The following ACOXL variants were observed in gnomAD, a reference collection of about 807,000 sequenced individuals.
ACOXL encodes the protein acyl-coenzyme A oxidase-like protein.
Under a neutral mutation model 71.9 loss-of-function variants are expected in ACOXL, and 70 were observed. The observed-to-expected ratio is 0.97, with a 90% CI of 0.80 to 1.19. The LOEUF is 1.19. Among genes scored for constraint, ACOXL ranks in the 50% most tolerant of loss-of-function variants. ACOXL has a pLI of 0.00. For synonymous variants in ACOXL, 253 were observed against 281.6 expected (o/e 0.90, Z 1.02); for missense variants, 703 against 736.3 (o/e 0.95, Z 0.52).
chr2:110,769,517 A>G (rs1488151370), intron 2 of ACOXL, among the ~76,000 whole-genome samples: 1 of 151,824 alleles, frequency 6.6e-6, no homozygotes, highest in East Asian at 1.9e-4. Flanking sequence ...GGCCAGGCAC[A>G]GTGGCTCATG....
At chr2:110,903,042 G>T (rs921896872) in intron 10 of ACOXL, among the ~76,000 whole-genome samples, 11 of 152,224 alleles carry the variant, frequency 7.2e-5, no homozygotes, top group Admixed American at 2.0e-4. Context: ...TCTGGTTGCA[G>T]GGATACCTGC....
At chr2:110,987,254 T>C (rs1277482501) in intron 13 of ACOXL, 37 bp downstream of exon 13, 1 of 1,528,002 alleles carries the variant, frequency 6.5e-7, no homozygotes, top group Non-Finnish European at 8.9e-7. Context: ...CTGCCTTCAG[T>C]GGGTTATCAT....
At chr2:110,873,657 G>A (rs1695539740) in intron 10 of ACOXL, among the ~76,000 whole-genome samples, 2 of 152,166 alleles carry the variant, frequency 1.3e-5, no homozygotes, top group Admixed American at 6.5e-5. Flanking sequence ...AGGGGAGGCT[G>A]TGAGCCTCCC....
chr2:110,987,557 G>A (rs926835315), intron 13 of ACOXL, among the ~76,000 whole-genome samples: 2 of 152,260 alleles, frequency 1.3e-5, no homozygotes, highest in East Asian at 3.9e-4. Context: ...CTTGCTCAAG[G>A]TTACATGGCT....
intron 10 of ACOXL, among the ~76,000 whole-genome samples, chr2:110,899,819 C>T (rs1242629663): frequency 6.6e-5 from 10 of 152,110 alleles, no homozygotes; most frequent in Admixed American, 6.6e-4. Context: ...GGCTATCATT[C>T]TGAAAAGTAA....
At chr2:110,940,376 C>T (rs2060824263) in intron 12 of ACOXL, among the ~76,000 whole-genome samples, 1 of 152,196 alleles carries the variant, frequency 6.6e-6, no homozygotes, top group Non-Finnish European at 1.5e-5. Context: ...CTCAGCCCTG[C>T]TAGAAACCAA....
chr2:111,016,344 T>C (rs1407629425), intron 14 of ACOXL, among the ~76,000 whole-genome samples: 1 of 152,176 alleles, frequency 6.6e-6, no homozygotes, highest in African/African-American at 2.4e-5. Flanking sequence ...TATCTTGATC[T>C]GGGTGATTCC....
At chr2:110,901,528 T>A (rs911274844) in intron 10 of ACOXL, among the ~76,000 whole-genome samples, 5 of 152,070 alleles carry the variant, frequency 3.3e-5, no homozygotes, top group African/African-American at 1.2e-4. Flanking sequence ...GTGGAAAAGT[T>A]ATTTGTTGAG....
chr2:110,777,868 G>A (rs1329246915), intron 2 of ACOXL, among the ~76,000 whole-genome samples: 2 of 152,236 alleles, frequency 1.3e-5, no homozygotes, highest in African/African-American at 4.8e-5. Context: ...GTCGGGGCAG[G>A]TGTCCTATTT....
intron 12 of ACOXL, among the ~76,000 whole-genome samples, chr2:110,982,564 A>G (rs910082106): frequency 1.3e-5 from 2 of 152,170 alleles, no homozygotes; most frequent in African/African-American, 2.4e-5. Context: ...AAAATGCATG[A>G]TGGTGGAAAA....
At chr2:110,896,428 G>A (rs1359126476) in intron 10 of ACOXL, among the ~76,000 whole-genome samples, 1 of 152,040 alleles carries the variant, frequency 6.6e-6, no homozygotes, top group Admixed American at 6.6e-5. Context: ...TTAAAAAATA[G>A]AGCTTGACAA....
chr2:111,004,858 C>A (rs917424584), intron 14 of ACOXL, among the ~76,000 whole-genome samples: 9 of 152,116 alleles, frequency 5.9e-5, no homozygotes, highest in African/African-American at 1.7e-4. Context: ...ATAGCAGCCA[C>A]TCTGTGTTTG....
At chr2:110,887,971 T>A (rs987047150) in intron 10 of ACOXL, 6 of 152,212 alleles carry the variant, frequency 3.9e-5, no homozygotes, top group African/African-American at 1.4e-4. Flanking sequence ...AAAAAGACAA[T>A]TATTTGAGTA....
chr2:110,814,148 G>A (rs987792059), intron 9 of ACOXL, among the ~76,000 whole-genome samples: 8 of 152,196 alleles, frequency 5.3e-5, no homozygotes, highest in Non-Finnish European at 1.0e-4. Flanking sequence ...CGTTGAAAAT[G>A]TGGACATTTC....
At chr2:110,768,300 C>A (rs199930291) in intron 1 of ACOXL, 68 bp from the exon 2 acceptor site, 1 of 1,329,510 alleles carries the variant, frequency 7.5e-7, no homozygotes, top group South Asian at 1.2e-5. Context: ...AGCCCGGGGT[C>A]AAAGCATCCA....
intron 11 of ACOXL, among the ~76,000 whole-genome samples, chr2:110,932,923 C>T (rs1268017672): frequency 6.6e-6 from 1 of 152,206 alleles, no homozygotes; most frequent in Non-Finnish European, 1.5e-5. Context: ...TTGACAGACC[C>T]ATGAAGACTT....
intron 2 of ACOXL, among the ~76,000 whole-genome samples, chr2:110,779,027 T>G (rs537300809): frequency 6.6e-6 from 1 of 152,190 alleles, no homozygotes; most frequent in Non-Finnish European, 1.5e-5. Flanking sequence ...CTAGGAATTG[T>G]AGTAAGCATG....
chr2:110,970,884 A>G (rs971928500), intron 12 of ACOXL, among the ~76,000 whole-genome samples: 1 of 152,222 alleles, frequency 6.6e-6, no homozygotes, highest in Non-Finnish European at 1.5e-5. Context: ...AAGTTAGGAG[A>G]AAATCCTTGA....
chr2:110,809,990 A>C (rs1687115330), intron 9 of ACOXL, among the ~76,000 whole-genome samples: 1 of 152,174 alleles, frequency 6.6e-6, no homozygotes. Flanking sequence ...TGTCCTCACC[A>C]GGGTGTCTGG....
Sources: gnomAD v4.1 joint callset for allele counts (sites outside exome capture counted in the v4.1 genomes callset) on GRCh38, gnomAD v4.1.1 for gene constraint, MANE v1.5 for transcripts, NCBI Gene and HGNC (gene_info 2026-07-23, HGNC 2026-07-21) for gene names.